ZBTB6: variants seen among roughly 807,000 people sequenced by gnomAD.
ZBTB6 encodes the protein zinc finger and BTB domain-containing protein 6.
Under a neutral mutation model 30.6 loss-of-function variants are expected in ZBTB6, and 11 were observed. The ratio of observed to expected loss-of-function variants is 0.36; its 90% confidence interval spans 0.23 to 0.60. The LOEUF (loss-of-function observed/expected upper bound fraction) is 0.60, where lower values mean the gene tolerates loss of function less well. Ranked by LOEUF, ZBTB6 falls within the 20% of genes least tolerant of loss-of-function variation. The pLI, the probability that ZBTB6 is intolerant of heterozygous loss-of-function variation, is 0.75. For missense variants in ZBTB6, 380 were observed against 489.4 expected, an observed-to-expected ratio of 0.78 and a Z score of 2.11; for synonymous variants, 174 against 172.0, an observed-to-expected ratio of 1.01 and a Z score of -0.09.
intron 1 of ZBTB6, among the ~76,000 whole-genome samples, chr9:122,912,643 C>T (rs1437633047): frequency 1.3e-5 from 2 of 152,090 alleles, no homozygotes; most frequent in Non-Finnish European, 2.9e-5. Context: ...TTTTTAATTT[C>T]CCTTTTCTGC....
At chr9:122,913,140 T>C (rs943651179) in intron 1 of ZBTB6, 111 bp downstream of exon 1, 1 of 532,874 alleles carries the variant, frequency 1.9e-6, no homozygotes, top group East Asian at 1.5e-4. Context: ...GTCGGCCCAG[T>C]GGTTGCAGCA....
In ZBTB6 at chr9:122,910,826, G is replaced by C. The variant is rs1182449801; in HGVS notation, c.1247C>G (p.Pro416Arg). Residue 416 changes from proline to arginine, a missense_variant, in exon 2 of 2, where the codon CCT (proline) becomes CGT (arginine). Transcript: ENST00000373659. ...TAGTAGACTTTGCCTTTTGAGATCA[G>C]GCCTAGATAGTTTTTCACCACTGCT... The part of the protein sequence containing the change: ...GRSSGEKLSR[P>R]DLKRQSLL 6.2e-7 allele frequency: 1 copy of C among 1,613,832 alleles called. No individual in the cohort carries two copies. The highest frequency in any genetic ancestry group is 1.7e-5 in the Admixed American group (1 of 60,018).
intron 1 of ZBTB6, among the ~76,000 whole-genome samples, chr9:122,912,859 C>T (rs1832967621): frequency 6.6e-6 from 1 of 152,208 alleles, no homozygotes; most frequent in Non-Finnish European, 1.5e-5. Flanking sequence ...CTTACATTCG[C>T]GTTTCCAGTT....
In ZBTB6 at chr9:122,911,500, C is replaced by T. The variant is rs1429204239; in HGVS notation, c.573G>A (p.Glu191=). Reference sequence around the variant, plus strand: ...TTTCCTTTCTCTCTGATGTCAGACTCTCTACTGTAGACTGCAAAGCATTGC... The same window carrying T: ...TTTCCTTTCTCTCTGATGTCAGACTTTCTACTGTAGACTGCAAAGCATTGC... The part of the protein sequence containing the change: ...EESNALQSTV[E]SLTSERKEMK... The change falls in exon 2 of 2, where the codon GAG becomes GAA. Residue 191 remains glutamate, a synonymous_variant. Transcript: ENST00000373659. This position sits in a 1 kb window ranked among gnomAD's most constrained non-coding sequence, Gnocchi z 4.5. 2 of 1,614,148 alleles carry T rather than the reference C, an allele frequency of 1.2e-6. No individual in the cohort carries two copies. The highest frequency in any genetic ancestry group is 1.1e-5 in the South Asian group (1 of 91,080).
Position 122,911,929 on chromosome 9 carries a change from C to T in ZBTB6, c.144G>A (p.Lys48=), listed in dbSNP as rs1280583621. 1.9e-6 allele frequency: 3 copies of T among 1,614,164 alleles called. No individual in the cohort carries two copies. Among genetic ancestry groups the T allele is most frequent in the Admixed American group, 3.3e-5 (2 of 60,022 alleles). Reference sequence around the variant, plus strand: ...AAGTGGAGCAAGCAGCCAAAATCACCTTGTGCCCCTGGAACTCAGTGTCAT... The same window carrying T: ...AAGTGGAGCAAGCAGCCAAAATCACTTTGTGCCCCTGGAACTCAGTGTCAT... ...YINDTEFQGH[K]VILAACSTFM... Residue 48 remains lysine, a synonymous_variant, in exon 2 of 2, where the codon AAG becomes AAA. Transcript: ENST00000373659. The surrounding 1 kb of genome is among the most constrained non-coding windows in gnomAD (Gnocchi z 4.5).
Position 122,912,026 on chromosome 9 carries a change from C to T in ZBTB6, c.47G>A (p.Gly16Glu). 1 of 1,613,942 alleles carries T rather than the reference C, an allele frequency of 6.2e-7. No individual in the cohort carries two copies. The highest frequency in any genetic ancestry group is 8.5e-7 in the Non-Finnish European group (1 of 1,179,938). The change falls in exon 2 of 2, where the codon GGA (glycine) becomes GAA (glutamate). Residue 16 changes from glycine to glutamate, a missense_variant. Gly to Glu is a moderately conservative substitution (Grantham distance 98, BLOSUM62 -2). Coordinates refer to ENST00000373659, the MANE Select transcript of ZBTB6 (RefSeq NM_006626.6). Reference sequence around the variant, plus strand: ...ATTCATTTTCTGCAAGACCACATCTCCTTGCTGTTCAAACTGGAAATGCAG... The same window carrying T: ...ATTCATTTTCTGCAAGACCACATCTTCTTGCTGTTCAAACTGGAAATGCAG... ...DVLHFQFEQQ[G>E]DVVLQKMNLL...
intron 1 of ZBTB6, 56 bp downstream of exon 1, chr9:122,913,195 C>T (rs1050712603): frequency 2.1e-6 from 2 of 952,388 alleles, no homozygotes. Context: ...CCTCCTCCTC[C>T]TCCTCCTCTT....
rs1166313860 is a variant in ZBTB6, at chr9:122,908,722, A to C, written c.*2076T>G. ...AAAAGAAAATATTTTCACACCAACAAATGGCCAATCTTAGGTCAAATGGAA... is the reference window on the plus strand; with the variant it reads ...AAAAGAAAATATTTTCACACCAACACATGGCCAATCTTAGGTCAAATGGAA... On this transcript the variant is annotated 3_prime_UTR_variant, in exon 2 of 2. Coordinates refer to ENST00000373659, the MANE Select transcript of ZBTB6 (RefSeq NM_006626.6). The C allele has an allele frequency of 6.6e-6, 1 of 152,170 alleles. No homozygotes were observed. 9.4% of individuals were successfully genotyped at this position (152,170 alleles called of 1,614,324 possible).
Position 122,911,491 on chromosome 9 carries a change from T to C in ZBTB6, c.582A>G (p.Thr194=). 6.2e-7 allele frequency: 1 copy of C among 1,614,178 alleles called. No individual in the cohort carries two copies. Among genetic ancestry groups the C allele is most frequent in the Non-Finnish European group, 8.5e-7 (1 of 1,180,026 alleles). ...GTGACTTCATTTCCTTTCTCTCTGATGTCAGACTCTCTACTGTAGACTGCA... is the reference window on the plus strand; with the variant it reads ...GTGACTTCATTTCCTTTCTCTCTGACGTCAGACTCTCTACTGTAGACTGCA... ...NALQSTVESL[T]SERKEMKSPE... Residue 194 remains threonine, a synonymous_variant, in exon 2 of 2, where the codon ACA becomes ACG. Coordinates refer to ENST00000373659, the MANE Select transcript of ZBTB6 (RefSeq NM_006626.6). The surrounding 1 kb of genome is among the most constrained non-coding windows in gnomAD (Gnocchi z 4.5).
In ZBTB6 at chr9:122,911,535, CT is replaced by C. The variant is rs746416374; in HGVS notation, c.537del (p.Glu180LysfsTer11). 1 of 1,613,980 alleles carries C rather than the reference CT, an allele frequency of 6.2e-7. No individual in the cohort carries two copies. On this transcript the variant is annotated frameshift_variant, in exon 2 of 2. Coordinates refer to ENST00000373659, the MANE Select transcript of ZBTB6 (RefSeq NM_006626.6). LOFTEE classifies it high-confidence loss of function. This position sits in a 1 kb window ranked among gnomAD's most constrained non-coding sequence, Gnocchi z 4.5. ...DSPVNIDFHVKEEESNALQST... is the reference protein window; with the variant it reads ...DSPVNIDFHVXEEESNALQST... The stretch of plus-strand genomic sequence containing the variant: ...GACTGCAAAGCATTGCTTTCCTCTT[CT>C]TTAACATGGAAATCTATGTTTACAG...
intron 1 of ZBTB6, 140 bp from the exon 2 acceptor site, chr9:122,912,221 C>T (rs1307665861): frequency 1.3e-6 from 1 of 782,114 alleles, no homozygotes; most frequent in Non-Finnish European, 2.0e-6. Flanking sequence ...TGTTATGAAC[C>T]TTTATGCCAC....
At position 122,909,670 on chromosome 9, in the gene ZBTB6, A is replaced by G. The variant is rs1002810229; in HGVS notation, c.*1128T>C. 4 of 152,246 alleles carry G rather than the reference A, an allele frequency of 2.6e-5. No homozygotes were observed. Among genetic ancestry groups the G allele is most frequent in the African/African-American group, 4.8e-5 (2 of 41,468 alleles). 9.4% of individuals were successfully genotyped at this position (152,246 alleles called of 1,614,324 possible). ...TTAAATTGCTCATCTAGTAACAGCT[A>G]GAATATATATTGCCAATTCAAAATT... On this transcript the variant is annotated 3_prime_UTR_variant, in exon 2 of 2. Transcript: ENST00000373659.
Position 122,911,875 on chromosome 9 carries a change from C to T in ZBTB6, c.198G>A (p.Gln66=). 1 of 1,614,196 alleles carries T rather than the reference C, an allele frequency of 6.2e-7. No homozygotes were observed. The highest frequency in any genetic ancestry group is 8.5e-7 in the Non-Finnish European group (1 of 1,180,046). The change falls in exon 2 of 2, where the codon CAG becomes CAA. Residue 66 remains glutamine (Q), a synonymous_variant. Coordinates refer to ENST00000373659, the MANE Select transcript of ZBTB6 (RefSeq NM_006626.6). The surrounding 1 kb of genome is among the most constrained non-coding windows in gnomAD (Gnocchi z 4.5). ...AGATGGTGATTCTGACATGTTTTGACTGTGTGAGTAAAAACTGATCTCTCA... is the reference window on the plus strand; with the variant it reads ...AGATGGTGATTCTGACATGTTTTGATTGTGTGAGTAAAAACTGATCTCTCA... ...TFMRDQFLLT[Q]SKHVRITILQ...
In ZBTB6 at chr9:122,911,892, G is replaced by T; in HGVS notation, c.181C>A (p.Gln61Lys). ...TGTTTTGACTGTGTGAGTAAAAACT[G>T]ATCTCTCATAAAAGTGGAGCAAGCA... Reference protein sequence around the residue: ...LAACSTFMRDQFLLTQSKHVR... With the variant: ...LAACSTFMRDKFLLTQSKHVR... Residue 61 changes from glutamine to lysine, a missense_variant, in exon 2 of 2, where the codon CAG becomes AAG. By Grantham distance (53) the Gln-to-Lys change is moderately conservative. Transcript: ENST00000373659. This position sits in a 1 kb window ranked among gnomAD's most constrained non-coding sequence, Gnocchi z 4.5. 1 of 1,614,164 alleles carries T rather than the reference G, an allele frequency of 6.2e-7. No individual in the cohort carries two copies. The highest frequency in any genetic ancestry group is 1.1e-5 in the South Asian group (1 of 91,070).
In ZBTB6 at chr9:122,910,676, TA is replaced by T; in HGVS notation, c.*121del. On this transcript the variant is annotated 3_prime_UTR_variant, in exon 2 of 2. Coordinates refer to ENST00000373659, the MANE Select transcript of ZBTB6 (RefSeq NM_006626.6). ...GAAGTTCAGAAAGAATGATTATGTG[TA>T]AGCCGACAAAATATAAGAAACAAAG... is the stretch of plus-strand genomic sequence containing the variant. 9.7e-7 allele frequency: 1 copy of T among 1,033,612 alleles called. No homozygotes were observed. The highest frequency in any genetic ancestry group is 1.4e-6 in the Non-Finnish European group (1 of 728,592). The allele number at this position is 1,033,612 out of a possible 1,614,324, so 64.0% of individuals were successfully genotyped here.
rs980762178 is a variant in ZBTB6, at chr9:122,909,360, C to A, written c.*1438G>T. ...CAGTCTTCTTTACGAAAAGCAGTTC[C>A]TGTGTTTTAGAGAATATTATTTGCC... On this transcript the variant is annotated 3_prime_UTR_variant, in exon 2 of 2. Transcript: ENST00000373659. The A allele has an allele frequency of 6.6e-6, 1 of 152,260 alleles. No homozygotes were observed. The highest frequency in any genetic ancestry group is 1.5e-5 in the Non-Finnish European group (1 of 68,020). 9.4% of individuals were successfully genotyped at this position (152,260 alleles called of 1,614,324 possible).
intron 1 of ZBTB6, among the ~76,000 whole-genome samples, chr9:122,912,353 C>T (rs762605405): frequency 1.8e-4 from 28 of 152,102 alleles, no homozygotes; most frequent in Non-Finnish European, 3.4e-4. Flanking sequence ...GTTTCTTTTG[C>T]TAAATGTTGT....
rs1832959025 is a variant in ZBTB6 at position 122,912,067 on chromosome 9, A to C, written c.6T>G (p.Ala2=). M[A]AESDVLHFQF... ...GGAAATGCAGAACATCAGACTCAGC[A>C]GCCATGATCACAATCTAAGCAAAAT... Residue 2 remains alanine, a synonymous_variant, in exon 2 of 2, where the codon GCT becomes GCG. Coordinates refer to ENST00000373659, the MANE Select transcript of ZBTB6 (RefSeq NM_006626.6). 1.9e-6 allele frequency: 3 copies of C among 1,609,020 alleles called. No individual in the cohort carries two copies. The highest frequency in any genetic ancestry group is 1.3e-5 in the African/African-American group (1 of 74,722).
At position 122,910,399 on chromosome 9, in the gene ZBTB6, C is replaced by T. The variant is rs1380543389; in HGVS notation, c.*399G>A. ...CTAGAAACAGGTAATAGTGTTTTTA[C>T]CTTTATTTTCTCTTCTTGTTATCCT... On this transcript the variant is annotated 3_prime_UTR_variant, in exon 2 of 2. Coordinates refer to ENST00000373659, the MANE Select transcript of ZBTB6 (RefSeq NM_006626.6). 1 of 158,392 alleles carries T rather than the reference C, an allele frequency of 6.3e-6. No homozygotes were observed. The highest frequency in any genetic ancestry group is 1.4e-5 in the Non-Finnish European group (1 of 71,962). The allele number at this position is 158,392 out of a possible 1,614,324, so 9.8% of individuals were successfully genotyped here.
Sources: gnomAD v4.1 joint callset for allele counts (sites outside exome capture counted in the v4.1 genomes callset) on GRCh38, gnomAD v4.1.1 for gene constraint, Gnocchi (gnomAD v3.1) non-coding constraint, MANE v1.5 for transcripts, NCBI Gene and HGNC (gene_info 2026-07-23, HGNC 2026-07-21) for gene names.